Variants in ERG observed in about 807,000 individuals in gnomAD.
The protein encoded by ERG is transcriptional regulator ERG.
A neutral mutation model predicts 55.3 loss-of-function variants in ERG; 9 were observed. The observed-to-expected ratio is 0.16, with a 90% CI of 0.10 to 0.28. The LOEUF is 0.28. Among genes scored for constraint, ERG ranks in the 10% least tolerant of loss-of-function variants. The pLI, the probability that ERG is intolerant of heterozygous loss-of-function variation, is 1.00. For synonymous variants in ERG, 223 were observed against 237.3 expected, an observed-to-expected ratio of 0.94 and a Z score of 0.55; for missense variants, 434 against 631.6, an observed-to-expected ratio of 0.69 and a Z score of 3.35.
At chr21:38,506,469 A>G (rs989811279) in intron 2 of ERG, among the ~76,000 whole-genome samples, 3 of 152,200 alleles carry the variant, frequency 2.0e-5, no homozygotes, top group South Asian at 4.1e-4. Flanking sequence ...AGTATTTTGG[A>G]ATATGCATGG....
chr21:38,471,148 AATAG>A lies in ERG; in HGVS notation c.19-25531_19-25528del, dbSNP rs1239974965. 3.9e-5 allele frequency: 6 copies of A among 152,362 alleles called. No individual in the cohort carries two copies. The South Asian group carries it at 6.2e-4, about 16-fold the overall frequency. The allele number at this position is 152,362 out of a possible 1,614,324, so 9.4% of individuals were successfully genotyped here. ...TTGGACTATGGAGTTTAGTGATAAAAATAGATAAACAGTTCTGTCATTTGATTTA... is the reference window on the plus strand; with the variant it reads ...TTGGACTATGGAGTTTAGTGATAAAAATAAACAGTTCTGTCATTTGATTTA... On this transcript the variant is annotated intron_variant, in intron 1 of 9. Transcript: ENST00000288319.
intron 3 of ERG, among the ~76,000 whole-genome samples, chr21:38,407,736 T>A (rs1988840124): frequency 6.8e-6 from 1 of 146,528 alleles, no homozygotes; most frequent in African/African-American, 2.5e-5. Context: ...TTATAAAAAG[T>A]ATTTTTTAAA....
intron 1 of ERG, among the ~76,000 whole-genome samples, chr21:38,609,807 G>A (rs2060215651): frequency 6.6e-6 from 1 of 152,178 alleles, no homozygotes; most frequent in Non-Finnish European, 1.5e-5. Flanking sequence ...AAGAGACTGG[G>A]CAAGAAAAGG....
At chr21:38,461,676 A>G (rs1301934129) in intron 1 of ERG, among the ~76,000 whole-genome samples, 1 of 152,242 alleles carries the variant, frequency 6.6e-6, no homozygotes, top group African/African-American at 2.4e-5. Flanking sequence ...GCTGCCTCCA[A>G]TTAGCCCAGA....
At chr21:38,437,911 C>T (rs1237522505) in intron 2 of ERG, among the ~76,000 whole-genome samples, 1 of 152,224 alleles carries the variant, frequency 6.6e-6, no homozygotes, top group Non-Finnish European at 1.5e-5. Flanking sequence ...ATCTAAGTAA[C>T]ACTATATCCC....
upstream of ERG, among the ~76,000 whole-genome samples, chr21:38,499,025 A>G (rs985956197): frequency 2.6e-5 from 4 of 152,262 alleles, no homozygotes; most frequent in Non-Finnish European, 4.4e-5. Flanking sequence ...GTTCCAGAAC[A>G]GTTTCATTTT....
intron 1 of ERG, among the ~76,000 whole-genome samples, chr21:38,583,852 G>A (rs916260609): frequency 7.9e-5 from 12 of 152,290 alleles, no homozygotes; most frequent in Non-Finnish European, 1.2e-4. Context: ...GGAACCACTT[G>A]GGCTGACACC....
intron 1 of ERG, among the ~76,000 whole-genome samples, chr21:38,647,986 G>C (rs1373115450): frequency 3.3e-5 from 5 of 152,218 alleles, no homozygotes; most frequent in Non-Finnish European, 5.9e-5. Flanking sequence ...ATGAACTAAA[G>C]ATTTCTCAGG....
At position 38,381,410 on chromosome 21, in the gene ERG, AT is replaced by A; in HGVS notation, c.*1992del. 9.4e-7 allele frequency: 1 copy of A among 1,062,926 alleles called. No individual in the cohort carries two copies. Among genetic ancestry groups the A allele is most frequent in the East Asian group, 5.1e-5 (1 of 19,762 alleles). 65.8% of individuals were successfully genotyped at this position (1,062,926 alleles called of 1,614,324 possible). A position where few individuals can be genotyped will look rare whatever the true frequency, so the allele number is the denominator to read the frequency against. On this transcript the variant is annotated 3_prime_UTR_variant, in exon 10 of 10. Transcript: ENST00000288319. ...CTGACTCTAGATTATGGAAATAAAC[AT>A]TGTCTTCAAGGGATAGCCAGCAACA...
At chr21:38,530,491 C>A (rs961254699) in intron 2 of ERG, among the ~76,000 whole-genome samples, 1 of 152,168 alleles carries the variant, frequency 6.6e-6, no homozygotes, top group African/African-American at 2.4e-5. Flanking sequence ...ATTGGGTGAA[C>A]TTTACAGAGA....
chr21:38,440,787 C>CAA (rs10601871), intron 2 of ERG, among the ~76,000 whole-genome samples: 4 of 99,896 alleles, frequency 4.0e-5, no homozygotes, highest in East Asian at 3.0e-4. Flanking sequence ...AAAACTGTCT[C>CAA]AAAAAAAAAA....
intron 6 of ERG, among the ~76,000 whole-genome samples, chr21:38,399,384 GA>G (rs2146446197): frequency 6.6e-6 from 1 of 152,278 alleles, no homozygotes; most frequent in Non-Finnish European, 1.5e-5. Flanking sequence ...TTTCTCATTA[GA>G]AAGAAAGAGT....
At position 38,380,860 on chromosome 21, in the gene ERG, C is replaced by G; in HGVS notation, c.*2543G>C. The G allele has an allele frequency of 9.4e-7, 1 of 1,065,108 alleles. No individual in the cohort carries two copies. Among genetic ancestry groups the G allele is most frequent in the Non-Finnish European group, 1.1e-6 (1 of 879,186 alleles). The allele number at this position is 1,065,108 out of a possible 1,614,324, so 66.0% of individuals were successfully genotyped here. On this transcript the variant is annotated 3_prime_UTR_variant, in exon 10 of 10. Coordinates refer to ENST00000288319, the MANE Select transcript of ERG (RefSeq NM_182918.4). The stretch of plus-strand genomic sequence containing the variant: ...TCATGAGACAGTCTTGAAGAGAGAA[C>G]TGAGTGATTATCCAAGTAAATGTGT...
intron 1 of ERG, among the ~76,000 whole-genome samples, chr21:38,622,766 C>CCACA (rs199624945): frequency 1.4e-5 from 2 of 147,560 alleles, no homozygotes; most frequent in Admixed American, 1.3e-4. Flanking sequence ...ACCACACACA[C>CCACA]CACACACACA....
At chr21:38,571,507 T>C (rs187520633) in intron 2 of ERG, among the ~76,000 whole-genome samples, 2 of 151,708 alleles carry the variant, frequency 1.3e-5, no homozygotes, top group African/African-American at 2.4e-5. Context: ...CAAGACTATG[T>C]CTTAAAAAAA....
intron 2 of ERG, among the ~76,000 whole-genome samples, chr21:38,507,841 C>A (rs993120739): frequency 6.6e-6 from 1 of 152,096 alleles, no homozygotes; most frequent in South Asian, 2.1e-4. Flanking sequence ...ACGTGCCCAG[C>A]ATCAGTGCCT....
chr21:38,646,028 C>G (rs1157010719), intron 1 of ERG, among the ~76,000 whole-genome samples: 3 of 152,126 alleles, frequency 2.0e-5, no homozygotes, highest in Non-Finnish European at 4.4e-5. Context: ...CCTGTAATCC[C>G]AACACTCTGA....
chr21:38,549,724 C>A (rs1278332104), intron 2 of ERG, among the ~76,000 whole-genome samples: 1 of 130,626 alleles, frequency 7.7e-6, no homozygotes, highest in Non-Finnish European at 1.8e-5. Flanking sequence ...TCTTCCTTGT[C>A]TAGGACACAG....
chr21:38,451,756 C>A (rs1449184981), intron 1 of ERG, among the ~76,000 whole-genome samples: 1 of 152,184 alleles, frequency 6.6e-6, no homozygotes, highest in Non-Finnish European at 1.5e-5. Context: ...CAAAGATACT[C>A]CAGTCCTTCA....
Sources: gnomAD v4.1 joint callset for allele counts (sites outside exome capture counted in the v4.1 genomes callset) on GRCh38, gnomAD v4.1.1 for gene constraint, MANE v1.5 for transcripts, NCBI Gene and HGNC (gene_info 2026-07-23, HGNC 2026-07-21) for gene names.